The following CCDC7 variants were observed in gnomAD, a reference collection of about 807,000 sequenced individuals.
CCDC7 encodes the protein coiled-coil domain-containing protein 7.
Under a neutral mutation model 196.9 loss-of-function variants are expected in CCDC7, and 183 were observed. The ratio of observed to expected loss-of-function variants is 0.93; its 90% CI spans 0.82 to 1.05. The LOEUF (loss-of-function observed/expected upper bound fraction) is 1.05, where lower values mean the gene tolerates loss of function less well. Among genes scored for constraint, CCDC7 ranks in the 50% least tolerant of loss-of-function variants. The pLI is 0.00. For missense variants in CCDC7, 1,540 were observed against 1,482.2 expected, an observed-to-expected ratio of 1.04 and a Z score of -0.64; for synonymous variants, 525 against 484.6, an observed-to-expected ratio of 1.08 and a Z score of -1.10.
intron 16 of CCDC7, chr10:32,574,466 C>G: frequency 6.3e-7 from 1 of 1,590,986 alleles, no homozygotes; most frequent in Non-Finnish European, 8.5e-7. Flanking sequence ...GGAAAAGTCT[C>G]CCAAACCTTC....
At chr10:32,691,851 G>A (rs2077127810) in intron 23 of CCDC7, among the ~76,000 whole-genome samples, 1 of 152,178 alleles carries the variant, frequency 6.6e-6, no homozygotes, top group Non-Finnish European at 1.5e-5. Flanking sequence ...ACATGTCATG[G>A]GTGGGCAATC....
At chr10:32,447,185 C>T (rs1158999852), upstream of CCDC7, among the ~76,000 whole-genome samples, 2 of 151,948 alleles carry the variant, frequency 1.3e-5, no homozygotes, top group African/African-American at 4.8e-5. Flanking sequence ...AGATATTTAC[C>T]TCGATCATTC....
intron 23 of CCDC7, among the ~76,000 whole-genome samples, chr10:32,689,901 A>T (rs1179672369): frequency 6.6e-6 from 1 of 152,010 alleles, no homozygotes; most frequent in East Asian, 1.9e-4. Flanking sequence ...CGTCTGCCTA[A>T]TTTTTGTATT....
intron 20 of CCDC7, among the ~76,000 whole-genome samples, chr10:32,639,925 T>C (rs1373827566): frequency 6.6e-6 from 1 of 152,124 alleles, no homozygotes; most frequent in African/African-American, 2.4e-5. Flanking sequence ...CCAATTTCTG[T>C]TGTTTTACAT....
intron 25 of CCDC7, among the ~76,000 whole-genome samples, chr10:32,725,130 T>G (rs980041446): frequency 3.3e-5 from 5 of 152,138 alleles, no homozygotes; most frequent in Non-Finnish European, 7.4e-5. Flanking sequence ...TCATGAGATC[T>G]CTTGGACACC....
chr10:32,551,177 T>TA (rs2053415932), intron 13 of CCDC7, among the ~76,000 whole-genome samples: 1 of 152,178 alleles, frequency 6.6e-6, no homozygotes, highest in Non-Finnish European at 1.5e-5. Flanking sequence ...GTTTTCTAGT[T>TA]TATGTGCATA....
At chr10:32,828,552 GAAGAAGAAA>G (rs1303490035) in intron 32 of CCDC7, among the ~76,000 whole-genome samples, 17 of 147,880 alleles carry the variant, frequency 1.1e-4, no homozygotes, top group African/African-American at 4.2e-4. Context: ...AGAAGAAGAA[GAAGAAGAAA>G]GAAGAAGAAG....
chr10:32,581,404 TCTCCTCCTC>T (rs894649969), intron 16 of CCDC7, among the ~76,000 whole-genome samples: 1 of 152,072 alleles, frequency 6.6e-6, no homozygotes, highest in Non-Finnish European at 1.5e-5. Flanking sequence ...TCATTGCTGT[TCTCCTCCTC>T]CTCCTCCTTC....
chr10:32,703,975 T>G (rs1225030033), intron 24 of CCDC7, among the ~76,000 whole-genome samples: 1 of 152,108 alleles, frequency 6.6e-6, no homozygotes, highest in African/African-American at 2.4e-5. Flanking sequence ...CTCCTTTAGC[T>G]CTGAGTAGTT....
At chr10:32,652,677 CAA>C (rs1466278177) in intron 20 of CCDC7, among the ~76,000 whole-genome samples, 1 of 151,984 alleles carries the variant, frequency 6.6e-6, no homozygotes, top group Non-Finnish European at 1.5e-5. Context: ...AAAAGAGAAA[CAA>C]AACTAAAAAA....
At chr10:32,759,325 G>A (rs573311986) in intron 28 of CCDC7, among the ~76,000 whole-genome samples, 4 of 152,062 alleles carry the variant, frequency 2.6e-5, no homozygotes, top group South Asian at 2.1e-4. Flanking sequence ...GAGGCATCAC[G>A]CTACCTGACT....
chr10:32,545,615 G>A (rs551322050), intron 13 of CCDC7, among the ~76,000 whole-genome samples: 20 of 152,186 alleles, frequency 1.3e-4, no homozygotes, highest in African/African-American at 4.3e-4. Flanking sequence ...GTCAAATTTC[G>A]TATGTCTGGG....
At chr10:32,656,112 G>A (rs192866186) in intron 20 of CCDC7, among the ~76,000 whole-genome samples, 1 of 152,162 alleles carries the variant, frequency 6.6e-6, no homozygotes, top group African/African-American at 2.4e-5. Context: ...TCATTGCTAA[G>A]ACCAATGTCA....
intron 11 of CCDC7, among the ~76,000 whole-genome samples, chr10:32,531,268 G>A (rs981044411): frequency 6.6e-6 from 1 of 152,030 alleles, no homozygotes; most frequent in Non-Finnish European, 1.5e-5. Context: ...AACCACAGGT[G>A]TGTGCCACCA....
At chr10:32,764,744 A>T (rs1235931147) in intron 28 of CCDC7, among the ~76,000 whole-genome samples, 1 of 152,036 alleles carries the variant, frequency 6.6e-6, no homozygotes. Flanking sequence ...ATTCTCAAAC[A>T]GCCCTGTGGT....
chr10:32,566,045 G>T (rs1271497215), intron 14 of CCDC7, among the ~76,000 whole-genome samples: 1 of 151,474 alleles, frequency 6.6e-6, no homozygotes, highest in Non-Finnish European at 1.5e-5. Flanking sequence ...AATACAACAA[G>T]AAATGAAAAA....
intron 8 of CCDC7, among the ~76,000 whole-genome samples, chr10:32,486,140 T>C (rs919445038): frequency 6.6e-5 from 10 of 152,214 alleles, no homozygotes; most frequent in Non-Finnish European, 1.3e-4. Context: ...CTACATCTCT[T>C]TCTAGGTCTC....
At chr10:32,760,757 TA>T (rs144965874) in intron 28 of CCDC7, among the ~76,000 whole-genome samples, 6,041 of 143,792 alleles carry the variant, frequency 0.042, 185 homozygotes, top group African/African-American at 0.081. Flanking sequence ...ATAATAAAAT[TA>T]AAAAAAAAAG....
intron 20 of CCDC7, among the ~76,000 whole-genome samples, chr10:32,663,441 C>T (rs2071950014): frequency 6.6e-6 from 1 of 152,114 alleles, no homozygotes; most frequent in South Asian, 2.1e-4. Flanking sequence ...TCCTGTGTTT[C>T]AATTTCTAAA....
Sources: allele counts gnomAD v4.1 joint callset (sites outside exome capture counted in the v4.1 genomes callset), GRCh38; gene constraint gnomAD v4.1.1; transcripts MANE v1.5; gene names NCBI Gene and HGNC (gene_info 2026-07-23, HGNC 2026-07-21).